ANO9: variants seen among roughly 807,000 people sequenced by gnomAD.
ANO9 encodes the protein anoctamin 9, also known as anoctamin-9.
ANO9 carries 80 observed loss-of-function variants against 100.5 expected under a neutral mutation model. The ratio of observed to expected loss-of-function variants is 0.80; its 90% confidence interval spans 0.66 to 0.96. The LOEUF is 0.96. ANO9 is among the 40% of genes least tolerant of loss of function. The probability of loss-of-function intolerance (pLI) is 0.00; values close to 1 mark genes in which losing one functional copy is unlikely to be tolerated. For missense variants in ANO9, 1,064 were observed against 1,072.7 expected, an observed-to-expected ratio of 0.99 and a Z score of 0.11; for synonymous variants, 473 against 435.6, an observed-to-expected ratio of 1.09 and a Z score of -1.07.
In ANO9 at chr11:441,943, G is replaced by A. The variant is rs745719205; in HGVS notation, c.-17C>T. On this transcript the variant is annotated 5_prime_UTR_variant, in exon 1 of 23. Coordinates refer to ENST00000332826, the MANE Select transcript of ANO9 (RefSeq NM_001012302.3). ...CACCTGCATGCTGGCTGTGGCCGGA[G>A]TTCCAGCTGGGGTTTGGCGGCCAGG... 1.2e-6 allele frequency: 2 copies of A among 1,606,646 alleles called. No homozygotes were observed. The highest frequency in any genetic ancestry group is 1.7e-5 in the Admixed American group (1 of 59,710).
Position 438,369 on chromosome 11 carries a change from A to G in ANO9, c.6+3552T>C, listed in dbSNP as rs113726501. Among the ~76,000 whole-genome samples, 457 of 125,576 alleles carry G rather than the reference A, an allele frequency of 3.6e-3. 1 individual carries two copies. Among genetic ancestry groups the G allele is most frequent in the African/African-American group, 0.013 (433 of 33,384 alleles). The allele number at this position is 125,576 out of a possible 152,430, so 82.4% of individuals were successfully genotyped here. On this transcript the variant is annotated intron_variant, in intron 1 of 22. Coordinates refer to ENST00000332826, the MANE Select transcript of ANO9 (RefSeq NM_001012302.3). ...CAGGTGGAGTCCCCCCAACACACAC[A>G]GCCAGACAGGTGTAGCCCCCCCCCG...
chr11:428,644 G>C lies in ANO9; in HGVS notation c.1021-5C>G. On this transcript the variant is annotated splice_region_variant and splice_polypyrimidine_tract_variant and intron_variant, in intron 12 of 22. Coordinates refer to ENST00000332826, the MANE Select transcript of ANO9 (RefSeq NM_001012302.3). Reference sequence around the variant, plus strand: ...CATGCCGATCATGAGGCAGATCTGCGGGACAGCTGTGGTGGGCGGGGGCCG... The same window carrying C: ...CATGCCGATCATGAGGCAGATCTGCCGGACAGCTGTGGTGGGCGGGGGCCG... 1.2e-6 allele frequency: 2 copies of C among 1,611,868 alleles called. No individual in the cohort carries two copies. The highest frequency in any genetic ancestry group is 1.7e-6 in the Non-Finnish European group (2 of 1,179,342).
chr11:434,657 A>G (rs1757523935), intron 1 of ANO9, among the ~76,000 whole-genome samples: 1 of 152,174 alleles, frequency 6.6e-6, no homozygotes, highest in Non-Finnish European at 1.5e-5. Context: ...GGCTGGGCAG[A>G]TGGACACCAT....
Position 430,148 on chromosome 11 carries a change from T to G in ANO9, c.706A>C (p.Met236Leu). 1.9e-6 allele frequency: 3 copies of G among 1,553,488 alleles called. No individual in the cohort carries two copies. Among genetic ancestry groups the G allele is most frequent in the Non-Finnish European group, 2.6e-6 (3 of 1,148,962 alleles). Residue 236 changes from methionine (M) to leucine (L), a missense_variant, in exon 9 of 23, where the codon ATG (methionine) becomes CTG (leucine). Physicochemically the swap from Met to Leu is conservative, Grantham distance 15 (BLOSUM62 2). Transcript: ENST00000332826. ...CGGCTGTGGTCGCCGAGGGGACACA[T>G]GAGGATGTCGTGGGCCTCACAGATC... is the stretch of plus-strand genomic sequence containing the variant. ...KEICEAHDILMCPLGDHSRRY... is the reference protein window; with the variant it reads ...KEICEAHDILLCPLGDHSRRY...
chr11:432,006 C>T lies in ANO9; in HGVS notation c.399G>A (p.Ser133=), dbSNP rs552399217. 19 of 1,613,108 alleles carry T rather than the reference C, an allele frequency of 1.2e-5. No homozygotes were observed. Among genetic ancestry groups the T allele is most frequent in the South Asian group, 8.8e-5 (8 of 91,086 alleles). ...CCCCACCCCTGCCCTTACCACCAGCCGAGGTCTTGTTGTTCATGACAACGA... is the reference window on the plus strand; with the variant it reads ...CCCCACCCCTGCCCTTACCACCAGCTGAGGTCTTGTTGTTCATGACAACGA... ...VNFVVMNNKT[S]AGETFEDLMK... Residue 133 remains serine, a synonymous_variant, in exon 5 of 23, where the codon TCG becomes TCA. Transcript: ENST00000332826. This position sits in a 1 kb window ranked among gnomAD's most constrained non-coding sequence, Gnocchi z 4.8.
chr11:429,307 A>G (rs1352261498), intron 11 of ANO9, among the ~76,000 whole-genome samples: 1 of 141,048 alleles, frequency 7.1e-6, no homozygotes, highest in Non-Finnish European at 1.5e-5. Context: ...CAGACATGGG[A>G]CACGCACCCC....
chr11:434,097 C>T lies in ANO9; in HGVS notation c.8G>A (p.Gly3Asp), dbSNP rs1325101887. 3 of 1,550,172 alleles carry T rather than the reference C, an allele frequency of 1.9e-6. No individual in the cohort carries two copies. Among genetic ancestry groups the T allele is most frequent in the Non-Finnish European group, 2.6e-6 (3 of 1,147,010 alleles). ...CACCAGGATCCGGAGGCTCTCTTCGCCCTGGGGGTTTGGGGGCAGAGAAAG... is the reference window on the plus strand; with the variant it reads ...CACCAGGATCCGGAGGCTCTCTTCGTCCTGGGGGTTTGGGGGCAGAGAAAG... MQ[G>D]EESLRILVEP... The change falls in exon 2 of 23, where the codon GGC becomes GAC. Residue 3 changes from glycine (G) to aspartate (D), a missense_variant and splice_region_variant. Physicochemically the swap from Gly to Asp is moderately conservative, Grantham distance 94. Transcript: ENST00000332826.
Position 421,236 on chromosome 11 carries a change from C to A in ANO9, c.1335-38G>T, listed in dbSNP as rs765542105. On this transcript the variant is annotated intron_variant, in intron 15 of 22. Transcript: ENST00000332826. This position sits in a 1 kb window ranked among gnomAD's most constrained non-coding sequence, Gnocchi z 6.8. ...GGGAAGTCTGGGGCACTGCGGGCAG[C>A]GCCCTGCCTCTGACAGGGTGGGTGC... is the stretch of plus-strand genomic sequence containing the variant. The A allele has an allele frequency of 1.3e-6, 2 of 1,481,582 alleles. No homozygotes were observed. Among genetic ancestry groups the A allele is most frequent in the East Asian group, 2.4e-5 (1 of 41,552 alleles). The allele number at this position is 1,481,582 out of a possible 1,614,324, so 91.8% of individuals were successfully genotyped here.
At position 441,939 on chromosome 11, in the gene ANO9, C is replaced by A; in HGVS notation, c.-13G>T. 1 of 1,607,034 alleles carries A rather than the reference C, an allele frequency of 6.2e-7. No homozygotes were observed. Reference sequence around the variant, plus strand: ...GACTCACCTGCATGCTGGCTGTGGCCGGAGTTCCAGCTGGGGTTTGGCGGC... The same window carrying A: ...GACTCACCTGCATGCTGGCTGTGGCAGGAGTTCCAGCTGGGGTTTGGCGGC... On this transcript the variant is annotated 5_prime_UTR_variant, in exon 1 of 23. Coordinates refer to ENST00000332826, the MANE Select transcript of ANO9 (RefSeq NM_001012302.3).
chr11:431,972 C>G, intron 5 of ANO9, 27 bp downstream of exon 5: 1 of 1,612,820 alleles, frequency 6.2e-7, no homozygotes, highest in Non-Finnish European at 8.5e-7. Context: ...CGCAGCGCCC[C>G]TGTCAGTGCC....
chr11:420,933 G>A lies in ANO9; in HGVS notation c.1490+12C>T. ...CTGGGGCTCCCGGGGCTGGGCGGGG[G>A]TCGGCACTCACGGGACCAGGTACTC... On this transcript the variant is annotated intron_variant, in intron 17 of 22. Coordinates refer to ENST00000332826, the MANE Select transcript of ANO9 (RefSeq NM_001012302.3). 2 of 1,601,852 alleles carry A rather than the reference G, an allele frequency of 1.2e-6. No homozygotes were observed. The highest frequency in any genetic ancestry group is 2.2e-5 in the East Asian group (1 of 44,614).
At chr11:433,202 C>A in intron 4 of ANO9, 112 bp downstream of exon 4, 1 of 1,436,710 alleles carries the variant, frequency 7.0e-7, no homozygotes, top group South Asian at 1.5e-5. Context: ...GACCACACGG[C>A]TGTCCTGCCT....
In ANO9 at chr11:428,834, G is replaced by T; in HGVS notation, c.916-8C>A. 1 of 1,612,434 alleles carries T rather than the reference G, an allele frequency of 6.2e-7. No individual in the cohort carries two copies. Among genetic ancestry groups the T allele is most frequent in the South Asian group, 1.1e-5 (1 of 91,000 alleles). On this transcript the variant is annotated splice_region_variant and splice_polypyrimidine_tract_variant and intron_variant, in intron 11 of 22. Transcript: ENST00000332826. ...CTGAAGTGCCATTTCCTCCTGGGGA[G>T]AGCACCGGGCAAGCCTCAGACAAGG...
Position 432,165 on chromosome 11 carries a change from C to T in ANO9, c.351-111G>A, listed in dbSNP as rs1849065754. 1.7e-6 allele frequency: 2 copies of T among 1,203,612 alleles called. No individual in the cohort carries two copies. The highest frequency in any genetic ancestry group is 2.4e-6 in the Non-Finnish European group (2 of 846,006). The allele number at this position is 1,203,612 out of a possible 1,614,324, so 74.6% of individuals were successfully genotyped here. ...CAGGCCCCTCCCTGTCCTGGCAGAG[C>T]CCCCAGCCTGCCAGCCCTGACCAGA... On this transcript the variant is annotated intron_variant, in intron 4 of 22. Transcript: ENST00000332826. The surrounding 1 kb of genome is among the most constrained non-coding windows in gnomAD (Gnocchi z 4.8).
chr11:430,065 G>A lies in ANO9; in HGVS notation c.771+18C>T, dbSNP rs1197575477. ...CCCATCTTCCGCAGGCCCTGGGGTGGACCCGGAGGCGACAAACCTTGGCAA... is the reference window on the plus strand; with the variant it reads ...CCCATCTTCCGCAGGCCCTGGGGTGAACCCGGAGGCGACAAACCTTGGCAA... On this transcript the variant is annotated intron_variant, in intron 9 of 22. Coordinates refer to ENST00000332826, the MANE Select transcript of ANO9 (RefSeq NM_001012302.3). The A allele has an allele frequency of 6.5e-7, 1 of 1,548,354 alleles. No homozygotes were observed. Among genetic ancestry groups the A allele is most frequent in the Admixed American group, 2.0e-5 (1 of 50,996 alleles).
chr11:433,715 C>T (rs1849223474), intron 3 of ANO9, 100 bp downstream of exon 3: 1 of 1,474,942 alleles, frequency 6.8e-7, no homozygotes. Context: ...CCCCACAGCC[C>T]TGCCCCTCGC....
In ANO9 at chr11:422,923, G is replaced by C. The variant is rs1023909788; in HGVS notation, c.1335-1725C>G. ...TGGCTCACTACAACCTCCACCTTCC[G>C]GGTTTAAGTGATTCTCCTGCCTCAG... On this transcript the variant is annotated intron_variant, in intron 15 of 22. Transcript: ENST00000332826. The surrounding 1 kb of genome is among the most constrained non-coding windows in gnomAD (Gnocchi z 4.3). Among the ~76,000 whole-genome samples the C allele has an allele frequency of 1.3e-5, 2 of 151,120 alleles. No homozygotes were observed. Among genetic ancestry groups the C allele is most frequent in the African/African-American group, 2.4e-5 (1 of 41,018 alleles).
At chr11:419,510 C>A in intron 20 of ANO9, 72 bp downstream of exon 20, 1 of 1,566,602 alleles carries the variant, frequency 6.4e-7, no homozygotes, top group East Asian at 2.3e-5. Flanking sequence ...GAGAAAGGGT[C>A]TGGATCCCCC....
intron 15 of ANO9, among the ~76,000 whole-genome samples, chr11:427,754 G>A (rs1244047927): frequency 6.6e-6 from 1 of 151,784 alleles, no homozygotes; most frequent in Non-Finnish European, 1.5e-5. Context: ...GAGGATGTGT[G>A]GGCAGGCAGA....
Sources: gnomAD v4.1 joint callset for allele counts (sites outside exome capture counted in the v4.1 genomes callset) on GRCh38, gnomAD v4.1.1 for gene constraint, Gnocchi (gnomAD v3.1) non-coding constraint, MANE v1.5 for transcripts, NCBI Gene and HGNC (gene_info 2026-07-23, HGNC 2026-07-21) for gene names.